Variants in DRC4 observed in about 807,000 individuals in gnomAD.
DRC4 encodes dynein regulatory complex subunit 4, also known as GAS-11.
At chr16:90,026,486 A>G in the DRC4 span, among the ~76,000 whole-genome samples, 1 of 152,132 alleles carries the variant, frequency 6.6e-6, no homozygotes, top group South Asian at 2.1e-4. Context: ...GGTTGTCACA[A>G]CCGATCGTGG....
chr16:90,042,887 G>C, the DRC4 span: 1 of 505,586 alleles, frequency 2.0e-6, no homozygotes, highest in Non-Finnish European at 3.6e-6. Flanking sequence ...TGAAGAACCT[G>C]AGTGGGAAAC....
the DRC4 span, chr16:90,032,836 G>C: frequency 7.7e-4 from 1,239 of 1,613,970 alleles, 9 homozygotes; most frequent in East Asian, 0.015. Context: ...ATACAGGAGA[G>C]TGTGCTGCGC....
chr16:90,022,771 A>G, the DRC4 span: 3 of 1,333,770 alleles, frequency 2.2e-6, no homozygotes, highest in Non-Finnish European at 2.9e-6. Flanking sequence ...AGGGGCCCGG[A>G]GACCTCGGGG....
chr16:90,042,320 T>C, the DRC4 span: 14 of 696,586 alleles, frequency 2.0e-5, no homozygotes, highest in Middle Eastern at 9.4e-4. Context: ...GAGACCTTTT[T>C]CTGCTGACAA....
the DRC4 span, among the ~76,000 whole-genome samples, chr16:90,038,571 G>C: frequency 6.6e-6 from 1 of 152,210 alleles, no homozygotes; most frequent in Non-Finnish European, 1.5e-5. Context: ...CCAGTTCCTA[G>C]CAGTGGGATT....
the DRC4 span, among the ~76,000 whole-genome samples, chr16:90,025,447 G>C: frequency 1.3e-5 from 2 of 150,948 alleles, no homozygotes; most frequent in Admixed American, 6.6e-5. Flanking sequence ...TCAGGAGTTC[G>C]AGTACAGCCT....
the DRC4 span, chr16:90,040,509 G>C: frequency 6.3e-7 from 1 of 1,596,480 alleles, no homozygotes; most frequent in African/African-American, 1.3e-5. Context: ...GCAAGCTGGA[G>C]GTAGGCCCTA....
the DRC4 span, chr16:90,042,432 A>G: frequency 6.2e-7 from 1 of 1,604,108 alleles, no homozygotes; most frequent in Non-Finnish European, 8.5e-7. Context: ...CTCGGCCAAA[A>G]GATGAGTCTC....
At chr16:90,029,131 A>G in the DRC4 span, 8 of 1,238,490 alleles carry the variant, frequency 6.5e-6, no homozygotes, top group Admixed American at 2.8e-5. Context: ...GGCAGTGGCC[A>G]TGGAGCCTAC....
the DRC4 span, chr16:90,036,133 C>T: frequency 3.5e-6 from 2 of 579,212 alleles, no homozygotes; most frequent in East Asian, 3.0e-5. Flanking sequence ...TTGGCACCCC[C>T]AGTGCAGGGA....
At chr16:90,033,580 C>T in the DRC4 span, among the ~76,000 whole-genome samples, 1 of 152,132 alleles carries the variant, frequency 6.6e-6, no homozygotes. Context: ...GCGGGAGGAT[C>T]CCTTGAGCTC....
At chr16:90,029,964 AG>A in the DRC4 span, 2 of 152,756 alleles carry the variant, frequency 1.3e-5, no homozygotes, top group African/African-American at 2.4e-5. Context: ...TCACCGTGTT[AG>A]CCAGGATGGC....
chr16:90,025,116 A>G, the DRC4 span, among the ~76,000 whole-genome samples: 1 of 150,018 alleles, frequency 6.7e-6, no homozygotes, highest in African/African-American at 2.5e-5. Context: ...ACCTGGGTTC[A>G]AGCGATTCTC....
At chr16:90,025,228 A>T in the DRC4 span, among the ~76,000 whole-genome samples, 3 of 149,576 alleles carry the variant, frequency 2.0e-5, no homozygotes, top group African/African-American at 7.3e-5. Context: ...CATGTTGGCC[A>T]GGCTGGTCTT....
the DRC4 span, among the ~76,000 whole-genome samples, chr16:90,024,892 T>G: frequency 1.3e-5 from 2 of 152,092 alleles, no homozygotes; most frequent in African/African-American, 4.8e-5. Flanking sequence ...CTACTTCTGT[T>G]TCTGTTAGGT....
chr16:90,044,290 C>T, the DRC4 span: 1 of 433,700 alleles, frequency 2.3e-6, no homozygotes, highest in Non-Finnish European at 4.6e-6. Flanking sequence ...AAAGCCTGAC[C>T]CTGGGCAGGT....
chr16:90,041,456 C>G, the DRC4 span, among the ~76,000 whole-genome samples: 1 of 152,190 alleles, frequency 6.6e-6, no homozygotes, highest in Admixed American at 6.5e-5. Flanking sequence ...GTGGTGAGAC[C>G]CTTGCCCACA....
chr16:90,028,717 C>T, the DRC4 span, among the ~76,000 whole-genome samples: 1 of 152,196 alleles, frequency 6.6e-6, no homozygotes, highest in Non-Finnish European at 1.5e-5. Context: ...AAGCACGGTG[C>T]ACCCTCTGGC....
the DRC4 span, chr16:90,042,567 AC>A: frequency 3.8e-6 from 6 of 1,587,658 alleles, no homozygotes; most frequent in Non-Finnish European, 4.3e-6. Flanking sequence ...CCTCAGGGGC[AC>A]CCCCTCGGTG....
Sources: allele counts gnomAD v4.1 joint callset (sites outside exome capture counted in the v4.1 genomes callset), GRCh38; gene constraint gnomAD v4.1.1; transcripts MANE v1.5; gene names NCBI Gene and HGNC (gene_info 2026-07-23, HGNC 2026-07-21).